The following FBXW8 variants were observed in gnomAD, a reference collection of about 807,000 sequenced individuals.
The protein encoded by FBXW8 is F-box and WD repeat domain containing 8.
FBXW8 carries 57 observed loss-of-function variants against 65.3 expected under a neutral mutation model. The observed-to-expected ratio is 0.87, with a 90% CI of 0.71 to 1.09. The LOEUF is 1.09. FBXW8 is among the 50% of genes least tolerant of loss of function. The pLI, the probability that FBXW8 is intolerant of heterozygous loss-of-function variation, is 0.00. For synonymous variants in FBXW8, 308 were observed against 330.2 expected, an observed-to-expected ratio of 0.93 and a Z score of 0.73; for missense variants, 777 against 814.8, an observed-to-expected ratio of 0.95 and a Z score of 0.57.
At chr12:116,913,447 G>C (rs771607406) in intron 1 of FBXW8, among the ~76,000 whole-genome samples, 2 of 152,184 alleles carry the variant, frequency 1.3e-5, no homozygotes, top group African/African-American at 4.8e-5. Context: ...AGATAAGTCA[G>C]TTAACACATA....
rs796652582 is a variant in FBXW8 at position 117,027,607 on chromosome 12, T to C, written c.1652+103T>C. The stretch of plus-strand genomic sequence containing the variant: ...ACATTGCACCCTATGGGCTATACCC[T>C]CAGGCAGGGCCCTGCCTTTCTGCGA... On this transcript the variant is annotated intron_variant, in intron 10 of 10. Transcript: ENST00000652555. 6.8e-6 allele frequency: 6 copies of C among 878,190 alleles called. No individual in the cohort carries two copies. The African/African-American group carries it at 1.0e-4, about 15-fold the overall frequency. The allele number at this position is 878,190 out of a possible 1,614,324, so 54.4% of individuals were successfully genotyped here.
intron 8 of FBXW8, among the ~76,000 whole-genome samples, chr12:117,013,706 T>C (rs1294073589): frequency 6.6e-6 from 1 of 152,156 alleles, no homozygotes; most frequent in Non-Finnish European, 1.5e-5. Context: ...CACAAAGTAA[T>C]GATGCTTCTT....
intron 1 of FBXW8, among the ~76,000 whole-genome samples, chr12:116,915,528 G>A (rs757425322): frequency 9.9e-5 from 15 of 151,642 alleles, no homozygotes; most frequent in Middle Eastern, 3.4e-3. Context: ...CACCTCCCCT[G>A]CCCTGTGTTC....
At chr12:116,916,899 T>G (rs1322067354) in intron 1 of FBXW8, among the ~76,000 whole-genome samples, 1 of 74,844 alleles carries the variant, frequency 1.3e-5, no homozygotes, top group African/African-American at 3.5e-5. Flanking sequence ...CGTGTGTGTG[T>G]GTGTGTGTGT....
intron 9 of FBXW8, 133 bp downstream of exon 9, chr12:117,024,453 C>A: frequency 1.0e-6 from 1 of 1,001,118 alleles, no homozygotes; most frequent in Non-Finnish European, 1.5e-6. Context: ...TACTGTGACC[C>A]TAGGAGCCAG....
At chr12:117,025,043 A>G (rs1352112439) in intron 9 of FBXW8, among the ~76,000 whole-genome samples, 1 of 152,120 alleles carries the variant, frequency 6.6e-6, no homozygotes, top group African/African-American at 2.4e-5. Context: ...GCAGCAGCCC[A>G]GCCCAGGGCT....
chr12:116,912,992 C>T (rs1010917867), intron 1 of FBXW8, among the ~76,000 whole-genome samples: 2 of 152,132 alleles, frequency 1.3e-5, no homozygotes, highest in East Asian at 3.9e-4. Flanking sequence ...CAGCATTACC[C>T]CACTGATAGA....
chr12:116,934,684 T>C (rs1228592487), intron 2 of FBXW8, among the ~76,000 whole-genome samples: 1 of 152,222 alleles, frequency 6.6e-6, no homozygotes, highest in East Asian at 1.9e-4. Context: ...AGAGAGTTCC[T>C]GTGTACCCTT....
chr12:116,987,465 A>G (rs1241293847), intron 6 of FBXW8: 1 of 152,254 alleles, frequency 6.6e-6, no homozygotes, highest in Non-Finnish European at 1.5e-5. Flanking sequence ...CACATTAGAG[A>G]AAGTGCCGGC....
intron 5 of FBXW8, among the ~76,000 whole-genome samples, chr12:116,976,356 T>A (rs895752248): frequency 1.3e-5 from 2 of 149,162 alleles, no homozygotes; most frequent in Non-Finnish European, 3.0e-5. Flanking sequence ...GTCTTCAAGC[T>A]ATTCCCCACC....
chr12:116,964,570 T>A lies in FBXW8; in HGVS notation c.678-127T>A, dbSNP rs1884192732. Reference sequence around the variant, plus strand: ...CTGTTGGAGTCACTCATCTAAACAGTGCCTCAGCAGTGGCTCTACACCACC... The same window carrying A: ...CTGTTGGAGTCACTCATCTAAACAGAGCCTCAGCAGTGGCTCTACACCACC... On this transcript the variant is annotated intron_variant, in intron 4 of 10. Coordinates refer to ENST00000652555, the MANE Select transcript of FBXW8 (RefSeq NM_153348.3). 1.4e-5 allele frequency: 14 copies of A among 1,002,246 alleles called. No homozygotes were observed. In the East Asian group the frequency reaches 3.4e-4, roughly 24 times the overall value. The allele number at this position is 1,002,246 out of a possible 1,614,324, so 62.1% of individuals were successfully genotyped here.
At chr12:116,914,308 G>A (rs1390804993) in intron 1 of FBXW8, among the ~76,000 whole-genome samples, 7 of 151,988 alleles carry the variant, frequency 4.6e-5, no homozygotes, top group Non-Finnish European at 2.9e-5. Flanking sequence ...GCTGGGCAAG[G>A]TGGCTCATGC....
At chr12:116,975,206 C>T (rs1365050653) in intron 5 of FBXW8, among the ~76,000 whole-genome samples, 1 of 152,190 alleles carries the variant, frequency 6.6e-6, no homozygotes, top group East Asian at 1.9e-4. Flanking sequence ...GAATCACCAG[C>T]GGATGTTAAA....
chr12:117,030,789 G>C lies in FBXW8; in HGVS notation c.*2617G>C, dbSNP rs1384797933. On this transcript the variant is annotated 3_prime_UTR_variant, in exon 11 of 11. Coordinates refer to ENST00000652555, the MANE Select transcript of FBXW8 (RefSeq NM_153348.3). ...GTCATCTTCAAGCACGCCAACTTCAGGCAGTGTTTTCTACTGCAAACCTCC... is the reference window on the plus strand; with the variant it reads ...GTCATCTTCAAGCACGCCAACTTCACGCAGTGTTTTCTACTGCAAACCTCC... 6.6e-6 allele frequency: 1 copy of C among 152,170 alleles called. No individual in the cohort carries two copies. The highest frequency in any genetic ancestry group is 1.5e-5 in the Non-Finnish European group (1 of 68,048). The allele number at this position is 152,170 out of a possible 1,614,324, so 9.4% of individuals were successfully genotyped here.
chr12:116,994,064 C>T (rs1304770003), intron 7 of FBXW8, among the ~76,000 whole-genome samples: 1 of 152,144 alleles, frequency 6.6e-6, no homozygotes, highest in Non-Finnish European at 1.5e-5. Context: ...CAAAGCAACC[C>T]TAAGCAAAAG....
intron 5 of FBXW8, among the ~76,000 whole-genome samples, chr12:116,968,472 AG>A (rs1884457326): frequency 1.3e-5 from 2 of 152,208 alleles, no homozygotes; most frequent in South Asian, 2.1e-4. Flanking sequence ...GTGTAGAGAG[AG>A]TACCCCGTTT....
At chr12:116,951,635 GTACATTTCACATCAT>G (rs1883292801) in intron 4 of FBXW8, among the ~76,000 whole-genome samples, 1 of 152,040 alleles carries the variant, frequency 6.6e-6, no homozygotes, top group South Asian at 2.1e-4. Flanking sequence ...CACCTATTAA[GTACATTTCACATCAT>G]TGATGGAGAG....
In FBXW8 at chr12:117,028,167, G is replaced by T; in HGVS notation, c.1792G>T (p.Val598Phe). Residue 598 changes from valine (V) to phenylalanine (F), a missense_variant, in exon 11 of 11, where the codon GTT becomes TTT. By Grantham distance (50) the Val-to-Phe change is conservative. Transcript: ENST00000652555. The surrounding 1 kb of genome is among the most constrained non-coding windows in gnomAD (Gnocchi z 4.1). ...CGCACTGGCCTTTCCCTATAACCAT[G>T]TTTAGGGATGTGCCTCAGTTGGGAG... Reference protein sequence around the residue: ...DLALAFPYNHV With the variant: ...DLALAFPYNHF 6.2e-7 allele frequency: 1 copy of T among 1,613,954 alleles called. No individual in the cohort carries two copies. Among genetic ancestry groups the T allele is most frequent in the East Asian group, 2.2e-5 (1 of 44,890 alleles).
At chr12:117,027,894 G>A (rs1392304799) in intron 10 of FBXW8, 134 bp from the exon 11 acceptor site, 6 of 1,195,112 alleles carry the variant, frequency 5.0e-6, no homozygotes, top group African/African-American at 3.0e-5. Context: ...CTGACGCTGT[G>A]TGCCCAGAGA....
Sources: gnomAD v4.1 joint callset for allele counts (sites outside exome capture counted in the v4.1 genomes callset) on GRCh38, gnomAD v4.1.1 for gene constraint, Gnocchi (gnomAD v3.1) non-coding constraint, MANE v1.5 for transcripts, NCBI Gene and HGNC (gene_info 2026-07-23, HGNC 2026-07-21) for gene names.